HSD17B2: variants seen among roughly 807,000 people sequenced by gnomAD.
HSD17B2 encodes 17-beta-hydroxysteroid dehydrogenase type 2.
Under a neutral mutation model 26.9 loss-of-function variants are expected in HSD17B2, and 32 were observed. The ratio of observed to expected loss-of-function variants is 1.19; its 90% confidence interval spans 0.90 to 1.60. The LOEUF is 1.60. HSD17B2 is among the 40% of genes most tolerant of loss of function. The pLI is 0.00. For synonymous variants in HSD17B2, 246 were observed against 186.7 expected (o/e 1.32, Z -2.59); for missense variants, 613 against 468.6 (o/e 1.31, Z -2.85).
chr16:82,090,790 G>A, intron 3 of HSD17B2, 112 bp from the exon 4 acceptor site: 3 of 1,060,394 alleles, frequency 2.8e-6, no homozygotes, highest in Non-Finnish European at 2.7e-6. Flanking sequence ...GCCTTTGTCT[G>A]CCCAAGTCAC....
At chr16:82,063,753 G>T (rs989270260) in intron 1 of HSD17B2, among the ~76,000 whole-genome samples, 1 of 152,172 alleles carries the variant, frequency 6.6e-6, no homozygotes. Context: ...CAGTGGTTGA[G>T]GGCTGATCAG....
chr16:82,069,473 G>A (rs1914647964), intron 2 of HSD17B2, among the ~76,000 whole-genome samples: 1 of 152,184 alleles, frequency 6.6e-6, no homozygotes, highest in African/African-American at 2.4e-5. Context: ...CTTCCCTGCA[G>A]TATTTAAGCA....
intron 1 of HSD17B2, among the ~76,000 whole-genome samples, chr16:82,057,216 T>G (rs566975321): frequency 1.4e-3 from 220 of 151,916 alleles, no homozygotes; most frequent in African/African-American, 5.3e-3. Flanking sequence ...TTTTTTTTTT[T>G]TGAGAGAGAG....
intron 1 of HSD17B2, among the ~76,000 whole-genome samples, chr16:82,055,357 G>A (rs755426014): frequency 3.3e-5 from 5 of 152,076 alleles, no homozygotes; most frequent in Non-Finnish European, 5.9e-5. Flanking sequence ...CCCACCTGAC[G>A]CCAATACATT....
chr16:82,088,095 G>A (rs374632080), intron 3 of HSD17B2, among the ~76,000 whole-genome samples: 23 of 152,268 alleles, frequency 1.5e-4, no homozygotes, highest in East Asian at 7.7e-4. Flanking sequence ...AAACTCTAAT[G>A]TTCAAGGTTT....
chr16:82,090,475 C>A (rs762491407), intron 3 of HSD17B2, among the ~76,000 whole-genome samples: 1 of 151,872 alleles, frequency 6.6e-6, no homozygotes, highest in Non-Finnish European at 1.5e-5. Context: ...TGCGCCACCA[C>A]GCCTGGCTAA....
intron 1 of HSD17B2, among the ~76,000 whole-genome samples, chr16:82,057,365 CT>C (rs1914302112): frequency 6.6e-6 from 1 of 152,006 alleles, no homozygotes; most frequent in South Asian, 2.1e-4. Flanking sequence ...TGCCCGGCTA[CT>C]TTTTGTATTT....
At chr16:82,074,150 G>A (rs2317419) in intron 3 of HSD17B2, among the ~76,000 whole-genome samples, 1 of 152,170 alleles carries the variant, frequency 6.6e-6, no homozygotes, top group Non-Finnish European at 1.5e-5. Flanking sequence ...GCTAGCCATA[G>A]GCAGAACATT....
rs182908934 is a variant in HSD17B2 at position 82,064,893 on chromosome 16, G to C, written c.266-3277G>C. 1.2e-3 allele frequency among the ~76,000 whole-genome samples: 184 copies of C among 152,302 alleles called. 2 individuals carry two copies. Among genetic ancestry groups the C allele is most frequent in the Admixed American group, 1.4e-3 (22 of 15,304 alleles). On this transcript the variant is annotated intron_variant, in intron 1 of 4. Coordinates refer to ENST00000199936, the MANE Select transcript of HSD17B2 (RefSeq NM_002153.3). ...GTGCATGAAGGAAGACAGCCACCCAGTCCCCCCATTTGCTATTGAGTTTAA... is the reference window on the plus strand; with the variant it reads ...GTGCATGAAGGAAGACAGCCACCCACTCCCCCCATTTGCTATTGAGTTTAA...
intron 4 of HSD17B2, 121 bp from the exon 5 acceptor site, chr16:82,097,953 TA>T (rs1904901790): frequency 2.4e-6 from 2 of 845,778 alleles, no homozygotes; most frequent in African/African-American, 1.8e-5. Context: ...AATAAAAAAA[TA>T]AAAAAATAAA....
At chr16:82,077,909 A>G (rs1004353105) in intron 3 of HSD17B2, among the ~76,000 whole-genome samples, 3 of 152,226 alleles carry the variant, frequency 2.0e-5, no homozygotes, top group African/African-American at 7.2e-5. Context: ...TGGATTCGAT[A>G]CTTAAATCTA....
chr16:82,054,536 G>A (rs969004272), intron 1 of HSD17B2, among the ~76,000 whole-genome samples: 26 of 152,182 alleles, frequency 1.7e-4, no homozygotes, highest in African/African-American at 6.0e-4. Flanking sequence ...GTAGACATGG[G>A]GTTTCACCAT....
intron 3 of HSD17B2, among the ~76,000 whole-genome samples, chr16:82,076,342 C>T (rs567711327): frequency 6.6e-6 from 1 of 152,262 alleles, no homozygotes; most frequent in East Asian, 1.9e-4. Context: ...CAAGGATGCC[C>T]ACTTTCACCA....
Position 82,040,140 on chromosome 16 carries a change from GAAGT to G in HSD17B2, c.265+4455_265+4458del, listed in dbSNP as rs1325721281. Among the ~76,000 whole-genome samples the G allele has an allele frequency of 3.9e-5, 6 of 152,338 alleles. No homozygotes were observed. The East Asian group carries it at 5.8e-4, about 15-fold the overall frequency. Reference sequence around the variant, plus strand: ...ATATTGGAGAACGGATCCAGGAGGAGAAGTAAGATCTGTTTTCAGTGAAAATATT... The same window carrying G: ...ATATTGGAGAACGGATCCAGGAGGAGAAGATCTGTTTTCAGTGAAAATATT... On this transcript the variant is annotated intron_variant, in intron 1 of 4. Transcript: ENST00000199936.
At chr16:82,068,489 C>A in intron 2 of HSD17B2, 107 bp downstream of exon 2, 3 of 890,532 alleles carry the variant, frequency 3.4e-6, no homozygotes, top group Non-Finnish European at 5.2e-6. Flanking sequence ...GCACTGTTTG[C>A]CCTGAAGCAC....
intron 3 of HSD17B2, among the ~76,000 whole-genome samples, chr16:82,078,373 A>C (rs1225539442): frequency 6.6e-6 from 1 of 152,224 alleles, no homozygotes; most frequent in Non-Finnish European, 1.5e-5. Context: ...TTCATCCAAA[A>C]GTCAGGCAAT....
At chr16:82,052,729 G>A (rs1207443344) in intron 1 of HSD17B2, among the ~76,000 whole-genome samples, 1 of 152,222 alleles carries the variant, frequency 6.6e-6, no homozygotes, top group Non-Finnish European at 1.5e-5. Context: ...CTTGGGCAGT[G>A]TTGGGCAGTC....
intron 1 of HSD17B2, among the ~76,000 whole-genome samples, chr16:82,055,273 C>T (rs1914231741): frequency 6.6e-6 from 1 of 152,214 alleles, no homozygotes; most frequent in East Asian, 1.9e-4. Flanking sequence ...ACCTGCTCTG[C>T]CCTGTGCCTG....
At chr16:82,070,413 G>A (rs1309019423) in intron 2 of HSD17B2, among the ~76,000 whole-genome samples, 1 of 152,142 alleles carries the variant, frequency 6.6e-6, no homozygotes, top group Non-Finnish European at 1.5e-5. Context: ...TGCCCTCCTT[G>A]CAACCCATCT....
Sources: allele counts gnomAD v4.1 joint callset (sites outside exome capture counted in the v4.1 genomes callset), GRCh38; gene constraint gnomAD v4.1.1; transcripts MANE v1.5; gene names NCBI Gene and HGNC (gene_info 2026-07-23, HGNC 2026-07-21).